Variants in NUDT5 observed in about 807,000 individuals in gnomAD.
NUDT5 encodes the protein nudix hydrolase 5, also known as ADP-sugar pyrophosphatase.
NUDT5 carries 21 observed loss-of-function variants against 34.1 expected under a neutral mutation model. The ratio of observed to expected loss-of-function variants is 0.62; its 90% CI spans 0.44 to 0.89. NUDT5 has a LOEUF of 0.89. Ranked by LOEUF, NUDT5 falls within the 40% of genes least tolerant of loss-of-function variation. The pLI is 0.00. For synonymous variants in NUDT5, 85 were observed against 97.6 expected, an observed-to-expected ratio of 0.87 and a Z score of 0.76; for missense variants, 249 against 274.8, an observed-to-expected ratio of 0.91 and a Z score of 0.66.
chr10:12,184,755 T>A (rs558055783), intron 3 of NUDT5, 134 bp downstream of exon 3: 1 of 675,518 alleles, frequency 1.5e-6, no homozygotes, highest in South Asian at 2.0e-5. Flanking sequence ...ATCCTAACAC[T>A]GGAAAAACAG....
rs1835142277 is a variant in NUDT5 at position 12,187,077 on chromosome 10, G to C, written c.-41-745C>G. On this transcript the variant is annotated intron_variant, in intron 1 of 9. Transcript: ENST00000491614. The surrounding 1 kb of genome is among the most constrained non-coding windows in gnomAD (Gnocchi z 5.4). Reference sequence around the variant, plus strand: ...ATGTAAGATCTCACTCTGTTGCACAGGTTGGAGTGCAGTGGCGAAATCATG... The same window carrying C: ...ATGTAAGATCTCACTCTGTTGCACACGTTGGAGTGCAGTGGCGAAATCATG... Among the ~76,000 whole-genome samples, 1 of 152,182 alleles carries C rather than the reference G, an allele frequency of 6.6e-6. No individual in the cohort carries two copies. The highest frequency in any genetic ancestry group is 6.5e-5 in the Admixed American group (1 of 15,272).
rs557899233 is a variant in NUDT5 at position 12,182,121 on chromosome 10, T to G, written c.131+2768A>C. Among the ~76,000 whole-genome samples the G allele has an allele frequency of 6.1e-5, 9 of 147,590 alleles. No homozygotes were observed. The highest frequency in any genetic ancestry group is 1.8e-4 in the African/African-American group (7 of 39,748). On this transcript the variant is annotated intron_variant, in intron 3 of 9. Coordinates refer to ENST00000491614, the MANE Select transcript of NUDT5 (RefSeq NM_014142.4). The surrounding 1 kb of genome is among the most constrained non-coding windows in gnomAD (Gnocchi z 4.3). ...TCTAGCCTGGGCAACAGAACAAGAC[T>G]CTGTCTCAGGGTAAAAAAAAAAAAA...
At chr10:12,184,211 T>C (rs991974685) in intron 3 of NUDT5, among the ~76,000 whole-genome samples, 4 of 152,090 alleles carry the variant, frequency 2.6e-5, no homozygotes, top group African/African-American at 4.8e-5. Context: ...CAGGCCCAGC[T>C]ATTTTTTGTA....
chr10:12,192,382 T>C (rs1343859445), intron 1 of NUDT5, among the ~76,000 whole-genome samples: 1 of 152,108 alleles, frequency 6.6e-6, no homozygotes, highest in Non-Finnish European at 1.5e-5. Flanking sequence ...ACTTACTTTA[T>C]GATTGTCTTG....
chr10:12,170,998 A>G lies in NUDT5; in HGVS notation c.488-90T>C. On this transcript the variant is annotated intron_variant, in intron 7 of 9. Coordinates refer to ENST00000491614, the MANE Select transcript of NUDT5 (RefSeq NM_014142.4). This position sits in a 1 kb window ranked among gnomAD's most constrained non-coding sequence, Gnocchi z 4.9. ...TACAAGAGGCGTCAAAAAGGCTTTG[A>G]GAATTTCACAGAAGCCTGGGTTTCT... 2 of 1,330,346 alleles carry G rather than the reference A, an allele frequency of 1.5e-6. No individual in the cohort carries two copies. The highest frequency in any genetic ancestry group is 1.3e-5 in the South Asian group (1 of 77,878). 82.4% of individuals were successfully genotyped at this position (1,330,346 alleles called of 1,614,324 possible).
Position 12,179,149 on chromosome 10 carries a change from G to A in NUDT5, c.132-17C>T, listed in dbSNP as rs1835004880. 3 of 1,603,690 alleles carry A rather than the reference G, an allele frequency of 1.9e-6. No homozygotes were observed. The highest frequency in any genetic ancestry group is 1.7e-4 in the Middle Eastern group (1 of 5,988). ...TCCCAAGTTCTGTTCAGGCAGAGAAGAAAAAAAAGTCATTAGTGCTACAGA... is the reference window on the plus strand; with the variant it reads ...TCCCAAGTTCTGTTCAGGCAGAGAAAAAAAAAAAGTCATTAGTGCTACAGA... On this transcript the variant is annotated splice_polypyrimidine_tract_variant and intron_variant, in intron 3 of 9. Coordinates refer to ENST00000491614, the MANE Select transcript of NUDT5 (RefSeq NM_014142.4).
rs1412743004 is a variant in NUDT5 at position 12,181,977 on chromosome 10, CA to C, written c.132-2846del. 6.6e-6 allele frequency among the ~76,000 whole-genome samples: 1 copy of C among 151,930 alleles called. No individual in the cohort carries two copies. Among genetic ancestry groups the C allele is most frequent in the Non-Finnish European group, 1.5e-5 (1 of 67,978 alleles). ...AACAACACTGCCTCTACTAAAAATA[CA>C]AAAATCAGCCAGGCCCAGTGGCATG... On this transcript the variant is annotated intron_variant, in intron 3 of 9. Transcript: ENST00000491614. This position sits in a 1 kb window ranked among gnomAD's most constrained non-coding sequence, Gnocchi z 5.0.
chr10:12,170,161 A>C lies in NUDT5; in HGVS notation c.550+556T>G. Reference sequence around the variant, plus strand: ...AGCTTACTGTTTACAAAGTCTCTAAAAGATGGGTGGCCAAGAATTATACAA... The same window carrying C: ...AGCTTACTGTTTACAAAGTCTCTAACAGATGGGTGGCCAAGAATTATACAA... On this transcript the variant is annotated intron_variant, in intron 9 of 9. Coordinates refer to ENST00000491614, the MANE Select transcript of NUDT5 (RefSeq NM_014142.4). This position sits in a 1 kb window ranked among gnomAD's most constrained non-coding sequence, Gnocchi z 4.9. 6.2e-7 allele frequency: 1 copy of C among 1,612,662 alleles called. No homozygotes were observed. The highest frequency in any genetic ancestry group is 8.5e-7 in the Non-Finnish European group (1 of 1,179,710).
At chr10:12,188,839 A>C (rs1243218008) in intron 1 of NUDT5, among the ~76,000 whole-genome samples, 1 of 152,156 alleles carries the variant, frequency 6.6e-6, no homozygotes, top group African/African-American at 2.4e-5. Context: ...AAGAACACAA[A>C]ATTTATGTCA....
chr10:12,177,505 C>T (rs1208580442), intron 5 of NUDT5, among the ~76,000 whole-genome samples: 5 of 152,140 alleles, frequency 3.3e-5, no homozygotes, highest in South Asian at 2.1e-4. Context: ...GGTGATAGAG[C>T]GAGACTCCGT....
chr10:12,180,163 T>C (rs1835021755), intron 3 of NUDT5, among the ~76,000 whole-genome samples: 1 of 152,218 alleles, frequency 6.6e-6, no homozygotes, highest in South Asian at 2.1e-4. Flanking sequence ...ATTAAAATTG[T>C]TCAAATATTT....
At chr10:12,176,204 TA>T (rs1165792966) in intron 5 of NUDT5, among the ~76,000 whole-genome samples, 1 of 147,378 alleles carries the variant, frequency 6.8e-6, no homozygotes, top group Non-Finnish European at 1.5e-5. Context: ...TTTCAAAAAA[TA>T]AAAAAATAAA....
At chr10:12,188,458 G>GCTCACGC (rs1452648045) in intron 1 of NUDT5, among the ~76,000 whole-genome samples, 1 of 152,188 alleles carries the variant, frequency 6.6e-6, no homozygotes, top group East Asian at 1.9e-4. Context: ...GGGTGCGGTG[G>GCTCACGC]CTCACGCCTC....
In NUDT5 at chr10:12,185,023, T is replaced by C. The variant is rs1835103577; in HGVS notation, c.64-67A>G. ...AAGTTGTTTTTATCTAAAAGGGTTT[T>C]TCTTTCACATTTCCTCTGTCTTTCC... On this transcript the variant is annotated intron_variant, in intron 2 of 9. Transcript: ENST00000491614. 5 of 808,794 alleles carry C rather than the reference T, an allele frequency of 6.2e-6. No homozygotes were observed. The East Asian group carries it at 1.2e-4, about 20-fold the overall frequency. The allele number at this position is 808,794 out of a possible 1,614,324, so 50.1% of individuals were successfully genotyped here.
intron 1 of NUDT5, among the ~76,000 whole-genome samples, chr10:12,194,962 A>G (rs1588665304): frequency 6.6e-6 from 1 of 152,324 alleles, no homozygotes; most frequent in African/African-American, 2.4e-5. Context: ...TAGGAGTTCG[A>G]GACCAGCCTG....
Position 12,171,562 on chromosome 10 carries a change from TG to T in NUDT5, c.488-655del, listed in dbSNP as rs1243064194. Among the ~76,000 whole-genome samples the T allele has an allele frequency of 6.6e-6, 1 of 152,174 alleles. No individual in the cohort carries two copies. The highest frequency in any genetic ancestry group is 1.5e-5 in the Non-Finnish European group (1 of 68,030). ...ATATGAGTCCCTGTTTCACTTCTTC[TG>T]GGTGTAGACTTAGGAGATGAAATGC... is the stretch of plus-strand genomic sequence containing the variant. On this transcript the variant is annotated intron_variant, in intron 7 of 9. Transcript: ENST00000491614. This position sits in a 1 kb window ranked among gnomAD's most constrained non-coding sequence, Gnocchi z 4.2.
In NUDT5 at chr10:12,178,889, T is replaced by G. The variant is rs1834999224; in HGVS notation, c.181+194A>C. 5 of 607,202 alleles carry G rather than the reference T, an allele frequency of 8.2e-6. No individual in the cohort carries two copies. In the South Asian group the frequency reaches 1.0e-4, roughly 12 times the overall value. The allele number at this position is 607,202 out of a possible 1,614,324, so 37.6% of individuals were successfully genotyped here. A position where few individuals can be genotyped will look rare whatever the true frequency, so the allele number is the denominator to read the frequency against. The stretch of plus-strand genomic sequence containing the variant: ...ACAACTTCCCCTCAAAAACAATGTT[T>G]TGGGCTTAGATAACAGAAGCCAGAA... On this transcript the variant is annotated intron_variant, in intron 4 of 9. Transcript: ENST00000491614.
At chr10:12,180,406 GCTCT>G (rs1564425045) in intron 3 of NUDT5, 1 of 152,192 alleles carries the variant, frequency 6.6e-6, no homozygotes. Flanking sequence ...TTTTGGCATA[GCTCT>G]CTCTGCTGCC....
chr10:12,181,837 A>T lies in NUDT5; in HGVS notation c.132-2705T>A, dbSNP rs1835047087. On this transcript the variant is annotated intron_variant, in intron 3 of 9. Transcript: ENST00000491614. This position sits in a 1 kb window ranked among gnomAD's most constrained non-coding sequence, Gnocchi z 5.0. ...CTACTAAAAAAATAAAAATTAAATAAATTTAAAAAAAAAGGATATGGCCGG... is the reference window on the plus strand; with the variant it reads ...CTACTAAAAAAATAAAAATTAAATATATTTAAAAAAAAAGGATATGGCCGG... Among the ~76,000 whole-genome samples the T allele has an allele frequency of 6.6e-6, 1 of 151,732 alleles. No individual in the cohort carries two copies. Among genetic ancestry groups the T allele is most frequent in the Admixed American group, 6.6e-5 (1 of 15,254 alleles).
Sources: gnomAD v4.1 joint callset for allele counts (sites outside exome capture counted in the v4.1 genomes callset) on GRCh38, gnomAD v4.1.1 for gene constraint, Gnocchi (gnomAD v3.1) non-coding constraint, MANE v1.5 for transcripts, NCBI Gene and HGNC (gene_info 2026-07-23, HGNC 2026-07-21) for gene names.